The following MICAL2 variants were observed in gnomAD, a reference collection of about 807,000 sequenced individuals.
The protein encoded by MICAL2 is [F-actin]-monooxygenase MICAL2.
Under a neutral mutation model 127.3 loss-of-function variants are expected in MICAL2, and 77 were observed. The observed-to-expected ratio is 0.60, with a 90% CI of 0.50 to 0.73. The LOEUF (loss-of-function observed/expected upper bound fraction) is 0.73. MICAL2 is among the 30% of genes least tolerant of loss of function. The probability of loss-of-function intolerance (pLI) is 0.00; values close to 1 mark genes in which losing one functional copy is unlikely to be tolerated. For synonymous variants in MICAL2, 570 were observed against 551.1 expected (o/e 1.03, Z -0.48); for missense variants, 1,351 against 1,434.4 (o/e 0.94, Z 0.94).
At chr11:12,218,471 C>T (rs557983941) in intron 8 of MICAL2, among the ~76,000 whole-genome samples, 4 of 152,338 alleles carry the variant, frequency 2.6e-5, no homozygotes, top group East Asian at 3.9e-4. Flanking sequence ...CTGCATGAGG[C>T]GTCCACGCCA....
intron 2 of MICAL2, among the ~76,000 whole-genome samples, chr11:12,140,942 G>A (rs1260517609): frequency 6.6e-6 from 1 of 152,202 alleles, no homozygotes. Context: ...GCAGGGTTCT[G>A]TACAGTTAGG....
chr11:12,148,732 G>A (rs1244807629), intron 2 of MICAL2, among the ~76,000 whole-genome samples: 1 of 152,252 alleles, frequency 6.6e-6, no homozygotes, highest in Non-Finnish European at 1.5e-5. Flanking sequence ...GTCAGGTGAG[G>A]TAGGAGGGGC....
intron 3 of MICAL2, among the ~76,000 whole-genome samples, chr11:12,167,299 T>A (rs1855626988): frequency 6.6e-6 from 1 of 152,158 alleles, no homozygotes; most frequent in Non-Finnish European, 1.5e-5. Context: ...TAGAAGGATG[T>A]GACTGTATTT....
rs116773146 is a variant in MICAL2, at chr11:12,128,057, G to A, written c.-148-10333G>A. On this transcript the variant is annotated intron_variant, in intron 1 of 27. Transcript: ENST00000683283. ...TATCTGTCCCTCTGTCTGCATATAC[G>A]TATGTGTGTGTAAAATTAATGTGTT... Among the ~76,000 whole-genome samples the A allele has an allele frequency of 6.8e-3, 1,036 of 152,264 alleles. 11 individuals carry two copies. Among genetic ancestry groups the A allele is most frequent in the African/African-American group, 0.023 (970 of 41,536 alleles).
intron 3 of MICAL2, among the ~76,000 whole-genome samples, chr11:12,164,747 G>C (rs970813078): frequency 6.6e-6 from 1 of 152,206 alleles, no homozygotes; most frequent in Non-Finnish European, 1.5e-5. Flanking sequence ...CAGAGGAACT[G>C]GCTACTGTGA....
intron 29 of MICAL2, among the ~76,000 whole-genome samples, chr11:12,307,732 G>T (rs1462214376): frequency 6.6e-6 from 1 of 152,130 alleles, no homozygotes; most frequent in Non-Finnish European, 1.5e-5. Context: ...TTTCCCCATT[G>T]AGTTACTTTG....
chr11:12,135,906 C>T (rs1391225594), intron 1 of MICAL2, among the ~76,000 whole-genome samples: 1 of 152,224 alleles, frequency 6.6e-6, no homozygotes, highest in Non-Finnish European at 1.5e-5. Flanking sequence ...CACCGACCTA[C>T]ACCAGATGGT....
At chr11:12,134,288 T>C (rs1225570376) in intron 1 of MICAL2, among the ~76,000 whole-genome samples, 1 of 152,236 alleles carries the variant, frequency 6.6e-6, no homozygotes, top group African/African-American at 2.4e-5. Flanking sequence ...AGAGTTGTTT[T>C]AAATAGCTAT....
chr11:12,111,869 C>T (rs570139156), intron 1 of MICAL2, among the ~76,000 whole-genome samples: 1 of 152,298 alleles, frequency 6.6e-6, no homozygotes, highest in East Asian at 1.9e-4. Context: ...TGGCAGTCGA[C>T]CCAACAAGTG....
At chr11:12,259,731 CT>C (rs1380560817) in intron 25 of MICAL2, 63 bp from the exon 26 acceptor site, 2 of 1,419,764 alleles carry the variant, frequency 1.4e-6, no homozygotes, top group East Asian at 4.7e-5. Flanking sequence ...TGGCTGTTGG[CT>C]TTGTTGAAGT....
intron 6 of MICAL2, 53 bp from the exon 7 acceptor site, chr11:12,213,202 T>G: frequency 6.5e-7 from 1 of 1,540,186 alleles, no homozygotes; most frequent in Non-Finnish European, 8.8e-7. Flanking sequence ...TCATTTTCAG[T>G]TTTCACACCA....
intron 34 of MICAL2, chr11:12,354,943 C>G (rs1002972612): frequency 2.4e-6 from 3 of 1,275,786 alleles, no homozygotes; most frequent in Middle Eastern, 3.8e-4. Context: ...GTGGGGCGCT[C>G]TTCCTGCCTG....
intron 17 of MICAL2, among the ~76,000 whole-genome samples, chr11:12,240,638 G>A (rs10765932): frequency 0.16 from 24,696 of 152,206 alleles, 2,472 homozygotes; most frequent in Non-Finnish European, 0.22. Context: ...CATTCCATCA[G>A]AAGCACCGGA....
chr11:12,340,329 A>C (rs961036152), intron 32 of MICAL2, among the ~76,000 whole-genome samples: 2 of 152,236 alleles, frequency 1.3e-5, no homozygotes, highest in African/African-American at 4.8e-5. Context: ...TTCAGACTAC[A>C]GTAAAAAACT....
chr11:12,280,851 C>G (rs2403611), intron 1 of MICAL2: 131,367 of 397,746 alleles, frequency 0.33, 24,401 homozygotes, highest in East Asian at 0.68. Context: ...CTGGAGCAGT[C>G]CTGGGCAGGA....
intron 7 of MICAL2, among the ~76,000 whole-genome samples, 174 bp from the exon 8 acceptor site, chr11:12,216,045 G>A (rs1313453468): frequency 6.6e-6 from 1 of 152,124 alleles, no homozygotes; most frequent in Non-Finnish European, 1.5e-5. Context: ...CTTTGACTTG[G>A]GTAGATTCTG....
intron 3 of MICAL2, among the ~76,000 whole-genome samples, chr11:12,165,374 G>C (rs1174590437): frequency 6.6e-6 from 1 of 152,168 alleles, no homozygotes; most frequent in Non-Finnish European, 1.5e-5. Context: ...AACAGACACT[G>C]TCTTGCTCAC....
chr11:12,337,383 G>A (rs1192477867), intron 32 of MICAL2, among the ~76,000 whole-genome samples: 4 of 151,996 alleles, frequency 2.6e-5, no homozygotes, highest in Admixed American at 2.0e-4. Context: ...TATCAATTTT[G>A]TTGATCTTTT....
At chr11:12,126,941 G>A (rs570826044) in intron 1 of MICAL2, among the ~76,000 whole-genome samples, 1 of 152,292 alleles carries the variant, frequency 6.6e-6, no homozygotes, top group African/African-American at 2.4e-5. Flanking sequence ...TTGCAGTGCA[G>A]ATGGATAAGT....
Sources: gnomAD v4.1 joint callset for allele counts (sites outside exome capture counted in the v4.1 genomes callset) on GRCh38, gnomAD v4.1.1 for gene constraint, MANE v1.5 for transcripts, NCBI Gene and HGNC (gene_info 2026-07-23, HGNC 2026-07-21) for gene names.